Variants in CHST11 observed in about 807,000 individuals in gnomAD.
CHST11 encodes C4S-1.
A neutral mutation model predicts 30.4 loss-of-function variants in CHST11; 9 were observed. The ratio of observed to expected loss-of-function variants is 0.30; its 90% CI spans 0.18 to 0.52. CHST11 has a LOEUF of 0.52. Ranked by LOEUF, CHST11 falls within the 20% of genes least tolerant of loss-of-function variation. CHST11 has a pLI of 0.97. For missense variants in CHST11, 348 were observed against 460.6 expected (o/e 0.76, Z 2.24); for synonymous variants, 152 against 187.8 (o/e 0.81, Z 1.56).
intron 1 of CHST11, among the ~76,000 whole-genome samples, chr12:104,538,144 A>G (rs2038255516): frequency 6.6e-6 from 1 of 152,124 alleles, no homozygotes; most frequent in African/African-American, 2.4e-5. Flanking sequence ...AAGAGATCAC[A>G]TTATGTTTAG....
intron 2 of CHST11, among the ~76,000 whole-genome samples, chr12:104,647,909 A>G (rs1215704490): frequency 6.6e-6 from 1 of 152,186 alleles, no homozygotes; most frequent in Non-Finnish European, 1.5e-5. Flanking sequence ...TGGCCTTTCC[A>G]CTAGACTGCT....
At chr12:104,595,259 G>T (rs963435545) in intron 1 of CHST11, among the ~76,000 whole-genome samples, 3 of 152,100 alleles carry the variant, frequency 2.0e-5, no homozygotes, top group Non-Finnish European at 4.4e-5. Context: ...GTTATTATTA[G>T]AAAATGATAA....
rs138787654 is a variant in CHST11 at position 104,531,632 on chromosome 12, G to A, written c.119-70274G>A. Reference sequence around the variant, plus strand: ...GGGTTCTCCCTGAGATCTCTCTTGGGAATTCCTCTCATTCATTTCTTCCCT... The same window carrying A: ...GGGTTCTCCCTGAGATCTCTCTTGGAAATTCCTCTCATTCATTTCTTCCCT... On this transcript the variant is annotated intron_variant, in intron 1 of 2. Transcript: ENST00000303694. Among the ~76,000 whole-genome samples the A allele has an allele frequency of 3.9e-4, 60 of 152,104 alleles. 1 individual carries two copies. The highest frequency in any genetic ancestry group is 1.4e-3 in the African/African-American group (59 of 41,476).
At chr12:104,551,558 G>A (rs562690711) in intron 1 of CHST11, among the ~76,000 whole-genome samples, 20 of 152,224 alleles carry the variant, frequency 1.3e-4, no homozygotes, top group South Asian at 4.1e-4. Context: ...CCTCCTTTCC[G>A]ACTTGCGCTG....
At chr12:104,502,299 G>A (rs945383169) in intron 1 of CHST11, among the ~76,000 whole-genome samples, 1 of 151,956 alleles carries the variant, frequency 6.6e-6, no homozygotes, top group East Asian at 1.9e-4. Context: ...CTCCTGCCTC[G>A]GCCACCCAAA....
chr12:104,752,673 AC>A (rs1406390110), intron 2 of CHST11, among the ~76,000 whole-genome samples: 2 of 152,028 alleles, frequency 1.3e-5, no homozygotes, highest in Non-Finnish European at 2.9e-5. Context: ...GATCACAGGC[AC>A]CCGCCACCAC....
chr12:104,500,801 G>C (rs2135974275), intron 1 of CHST11, among the ~76,000 whole-genome samples: 1 of 152,302 alleles, frequency 6.6e-6, no homozygotes, highest in Admixed American at 6.5e-5. Context: ...CAGTGCATCT[G>C]ATTCTGTGAA....
intron 2 of CHST11, among the ~76,000 whole-genome samples, chr12:104,710,080 A>G (rs974211287): frequency 1.3e-5 from 2 of 152,194 alleles, no homozygotes; most frequent in African/African-American, 4.8e-5. Flanking sequence ...ATGTGACTGT[A>G]GTCCCAGCTA....
At chr12:104,521,031 T>C (rs2038069240) in intron 1 of CHST11, among the ~76,000 whole-genome samples, 1 of 152,204 alleles carries the variant, frequency 6.6e-6, no homozygotes, top group Non-Finnish European at 1.5e-5. Context: ...TTTCCCCAGC[T>C]GCCCTAATTA....
intron 1 of CHST11, among the ~76,000 whole-genome samples, chr12:104,556,980 C>CA (rs529711471): frequency 0.023 from 1,730 of 76,830 alleles, 6 homozygotes; most frequent in Middle Eastern, 0.056. Flanking sequence ...GACTCTGTCT[C>CA]AAAAAAAAAA....
chr12:104,495,251 G>A (rs1046219212), intron 1 of CHST11, among the ~76,000 whole-genome samples: 1 of 152,108 alleles, frequency 6.6e-6, no homozygotes, highest in African/African-American at 2.4e-5. Flanking sequence ...CCTGTGTCTT[G>A]GCTGTTGTGG....
chr12:104,502,099 G>A (rs2037858495), intron 1 of CHST11, among the ~76,000 whole-genome samples: 1 of 151,622 alleles, frequency 6.6e-6, no homozygotes, highest in African/African-American at 2.4e-5. Flanking sequence ...CATGATCATA[G>A]CTCACTGCAG....
At chr12:104,469,631 C>T (rs2037489183) in intron 1 of CHST11, among the ~76,000 whole-genome samples, 2 of 152,194 alleles carry the variant, frequency 1.3e-5, no homozygotes, top group Admixed American at 1.3e-4. Context: ...ACTTTAAGGG[C>T]TCTTCCTGTA....
chr12:104,652,527 T>C (rs1178007836), intron 2 of CHST11, among the ~76,000 whole-genome samples: 1 of 152,354 alleles, frequency 6.6e-6, no homozygotes, highest in East Asian at 1.9e-4. Context: ...TTTGCTGGAC[T>C]GCCTCTGGAG....
At chr12:104,578,777 A>G (rs2038710169) in intron 1 of CHST11, among the ~76,000 whole-genome samples, 1 of 152,176 alleles carries the variant, frequency 6.6e-6, no homozygotes, top group Non-Finnish European at 1.5e-5. Context: ...AGATAGAGAG[A>G]TAGGAATTCT....
At chr12:104,717,534 G>A (rs1185772208) in intron 2 of CHST11, among the ~76,000 whole-genome samples, 1 of 152,132 alleles carries the variant, frequency 6.6e-6, no homozygotes, top group African/African-American at 2.4e-5. Context: ...AGCACTTTGG[G>A]AGGCCGAGGC....
chr12:104,687,783 C>G (rs980313364), intron 2 of CHST11, among the ~76,000 whole-genome samples: 3 of 152,152 alleles, frequency 2.0e-5, no homozygotes, highest in Admixed American at 6.5e-5. Flanking sequence ...CCCGCCCCCC[C>G]CAAAATTTTT....
chr12:104,589,965 C>A (rs182366112), intron 1 of CHST11, among the ~76,000 whole-genome samples: 3 of 151,880 alleles, frequency 2.0e-5, no homozygotes, highest in Non-Finnish European at 2.9e-5. Context: ...GCCAAGATGG[C>A]GCCACTGCAC....
chr12:104,467,446 A>C (rs548735551), intron 1 of CHST11, among the ~76,000 whole-genome samples: 7 of 152,312 alleles, frequency 4.6e-5, no homozygotes, highest in African/African-American at 1.7e-4. Flanking sequence ...GGTTATTGTC[A>C]AACCTGCCAT....
Sources: gnomAD v4.1 joint callset for allele counts (sites outside exome capture counted in the v4.1 genomes callset) on GRCh38, gnomAD v4.1.1 for gene constraint, MANE v1.5 for transcripts, NCBI Gene and HGNC (gene_info 2026-07-23, HGNC 2026-07-21) for gene names.